The following SGCZ variants were observed in gnomAD, a reference collection of about 807,000 sequenced individuals.
The protein encoded by SGCZ is zeta-sarcoglycan.
A neutral mutation model predicts 41.3 loss-of-function variants in SGCZ; 40 were observed. The observed-to-expected ratio is 0.97, with a 90% CI of 0.75 to 1.26. The LOEUF (loss-of-function observed/expected upper bound fraction) is 1.26. Ranked by LOEUF, SGCZ falls within the 50% of genes most tolerant of loss-of-function variation. SGCZ has a pLI of 0.00. For synonymous variants in SGCZ, 206 were observed against 137.5 expected, an observed-to-expected ratio of 1.50 and a Z score of -3.49; for missense variants, 552 against 369.8, an observed-to-expected ratio of 1.49 and a Z score of -4.04.
chr8:14,385,834 G>C (rs934421639), intron 2 of SGCZ, among the ~76,000 whole-genome samples: 1 of 152,106 alleles, frequency 6.6e-6, no homozygotes, highest in Non-Finnish European at 1.5e-5. Context: ...GTATCTGACA[G>C]GGATTGGTTC....
rs963117215 is a variant in SGCZ at position 15,222,666 on chromosome 8, A to G, written c.39+14919T>C. The stretch of plus-strand genomic sequence containing the variant: ...TGAGAGTTTTTGTTTTTGTTTTTAT[A>G]CATCCCAAACTGCTTGGCTGGTCAA... On this transcript the variant is annotated intron_variant, in intron 1 of 7. Transcript: ENST00000382080. 1.4e-4 allele frequency among the ~76,000 whole-genome samples: 22 copies of G among 152,234 alleles called. No homozygotes were observed. The East Asian group carries it at 3.7e-3, about 25-fold the overall frequency.
intron 2 of SGCZ, among the ~76,000 whole-genome samples, chr8:14,448,612 G>A (rs564378456): frequency 6.6e-6 from 1 of 152,144 alleles, no homozygotes; most frequent in South Asian, 2.1e-4. Flanking sequence ...TATGAATGAG[G>A]TAACAACCAT....
At chr8:15,021,099 G>T (rs946130202) in intron 1 of SGCZ, among the ~76,000 whole-genome samples, 4 of 152,212 alleles carry the variant, frequency 2.6e-5, no homozygotes, top group African/African-American at 9.6e-5. Flanking sequence ...TTAACAAAAT[G>T]CCCCAACAAG....
At chr8:14,703,603 T>A (rs1295740624) in intron 1 of SGCZ, among the ~76,000 whole-genome samples, 1 of 152,014 alleles carries the variant, frequency 6.6e-6, no homozygotes, top group Non-Finnish European at 1.5e-5. Context: ...TCTATATATG[T>A]TGAATAAGCA....
At position 14,901,480 on chromosome 8, in the gene SGCZ, T is replaced by C. The variant is rs150231746; in HGVS notation, c.39+336105A>G. Among the ~76,000 whole-genome samples, 620 of 152,286 alleles carry C rather than the reference T, an allele frequency of 4.1e-3. 4 individuals carry two copies. Among genetic ancestry groups the C allele is most frequent in the South Asian group, 0.018 (87 of 4,830 alleles). ...TTTTCCTTTCACAGTACAGCACTTT[T>C]AGTTGTTACTAAAAATGTATCTGAT... On this transcript the variant is annotated intron_variant, in intron 1 of 7. Coordinates refer to ENST00000382080, the MANE Select transcript of SGCZ (RefSeq NM_139167.4).
Position 14,118,885 on chromosome 8 carries a change from T to C in SGCZ, c.548-10650A>G, listed in dbSNP as rs2117030078. ...TCAGATGGTTGTGGATGTGTGGTGT[T>C]ATTTCCGAAGTTTCTGTTCCGTTGC... On this transcript the variant is annotated intron_variant, in intron 5 of 7. Transcript: ENST00000382080. Among the ~76,000 whole-genome samples the C allele has an allele frequency of 1.3e-5, 2 of 152,342 alleles. 1 individual carries two copies. The highest frequency in any genetic ancestry group is 4.1e-4 in the South Asian group (2 of 4,832).
chr8:15,079,284 T>G (rs1805656683), intron 1 of SGCZ, among the ~76,000 whole-genome samples: 1 of 152,240 alleles, frequency 6.6e-6, no homozygotes, highest in African/African-American at 2.4e-5. Flanking sequence ...TTATGTTCAC[T>G]GATTTTCTTT....
intron 1 of SGCZ, among the ~76,000 whole-genome samples, chr8:14,911,401 C>T (rs1231548271): frequency 6.6e-6 from 1 of 151,930 alleles, no homozygotes; most frequent in Non-Finnish European, 1.5e-5. Context: ...AAATCTAGGA[C>T]ATTAAATAGC....
chr8:14,254,959 T>A (rs1799409137), intron 3 of SGCZ, among the ~76,000 whole-genome samples: 1 of 152,082 alleles, frequency 6.6e-6, no homozygotes, highest in Non-Finnish European at 1.5e-5. Context: ...AGTTCTGAAC[T>A]AGATTCAGAA....
intron 1 of SGCZ, among the ~76,000 whole-genome samples, chr8:15,000,068 A>G (rs1246325774): frequency 1.3e-5 from 2 of 152,138 alleles, no homozygotes; most frequent in African/African-American, 2.4e-5. Context: ...CCCTAATTCA[A>G]CCTGACTGGT....
At chr8:14,105,918 A>G (rs1237238771) in intron 6 of SGCZ, among the ~76,000 whole-genome samples, 1 of 152,158 alleles carries the variant, frequency 6.6e-6, no homozygotes, top group Non-Finnish European at 1.5e-5. Context: ...AAGTTCTTTA[A>G]GTATAAATTT....
chr8:15,032,411 G>C (rs1803706764), intron 1 of SGCZ, among the ~76,000 whole-genome samples: 2 of 152,114 alleles, frequency 1.3e-5, no homozygotes, highest in Non-Finnish European at 2.9e-5. Flanking sequence ...ATCCACAAAG[G>C]GGAAGGAGAG....
At chr8:15,061,735 GC>G (rs1804945721) in intron 1 of SGCZ, among the ~76,000 whole-genome samples, 3 of 151,974 alleles carry the variant, frequency 2.0e-5, no homozygotes, top group Admixed American at 6.6e-5. Context: ...AAATGCCAGT[GC>G]CTTGCTCAAT....
intron 4 of SGCZ, among the ~76,000 whole-genome samples, chr8:14,177,879 A>C (rs1804595177): frequency 6.7e-6 from 1 of 150,194 alleles, no homozygotes; most frequent in Non-Finnish European, 1.5e-5. Context: ...ACTGGTCTTG[A>C]GATAAAACTC....
At chr8:15,236,880 C>T (rs7832880) in intron 1 of SGCZ, among the ~76,000 whole-genome samples, 33 of 152,184 alleles carry the variant, frequency 2.2e-4, no homozygotes, top group Admixed American at 1.9e-3. Flanking sequence ...CCGCAGATGC[C>T]GCCCCTACCA....
intron 2 of SGCZ, among the ~76,000 whole-genome samples, chr8:14,357,351 TTAAAA>T (rs1488101983): frequency 6.6e-6 from 1 of 152,184 alleles, no homozygotes; most frequent in Non-Finnish European, 1.5e-5. Context: ...ATATCTTCAA[TTAAAA>T]TAAGATATAT....
Position 14,669,389 on chromosome 8 carries a change from A to AAGTAAG in SGCZ, c.40-114464_40-114463insCTTACT, listed in dbSNP as rs1563191230. ...AGTAAGTAAGTAAGTAAGTAAGTAAATAAATAAATAAATAAATAAATAGGG... is the reference window on the plus strand; with the variant it reads ...AGTAAGTAAGTAAGTAAGTAAGTAAAAGTAAGTAAATAAATAAATAAATAAATAGGG... On this transcript the variant is annotated intron_variant, in intron 1 of 7. Coordinates refer to ENST00000382080, the MANE Select transcript of SGCZ (RefSeq NM_139167.4). Among the ~76,000 whole-genome samples the AAGTAAG allele has an allele frequency of 1.2e-3, 30 of 24,098 alleles. No homozygotes were observed. In the East Asian group the frequency reaches 0.013, roughly 10 times the overall value. 15.8% of individuals were successfully genotyped at this position (24,098 alleles called of 152,430 possible). A position where few individuals can be genotyped will look rare whatever the true frequency, so the allele number is the denominator to read the frequency against.
chr8:14,972,945 T>C (rs1217342851), intron 1 of SGCZ, among the ~76,000 whole-genome samples: 1 of 152,232 alleles, frequency 6.6e-6, no homozygotes, highest in Non-Finnish European at 1.5e-5. Flanking sequence ...CATCCCTTTG[T>C]GTAGTTACAT....
At chr8:14,162,190 C>A (rs1460813296) in intron 5 of SGCZ, among the ~76,000 whole-genome samples, 2 of 152,124 alleles carry the variant, frequency 1.3e-5, no homozygotes, top group Non-Finnish European at 2.9e-5. Context: ...AAAGGTAATA[C>A]AAATATCAGA....
Sources: gnomAD v4.1 joint callset for allele counts (sites outside exome capture counted in the v4.1 genomes callset) on GRCh38, gnomAD v4.1.1 for gene constraint, MANE v1.5 for transcripts, NCBI Gene and HGNC (gene_info 2026-07-23, HGNC 2026-07-21) for gene names.